Variants in SPOCD1 observed in about 807,000 individuals in gnomAD.
The protein encoded by SPOCD1 is SPOC domain-containing protein 1.
In SPOCD1, 64 loss-of-function variants were observed where a neutral mutation model predicts 92.2. That is an observed-to-expected ratio of 0.69 (90% CI 0.57 to 0.86). SPOCD1 has a LOEUF of 0.86. Among genes scored for constraint, SPOCD1 ranks in the 40% least tolerant of loss-of-function variants. The pLI, the probability that SPOCD1 is intolerant of heterozygous loss-of-function variation, is 0.00. For synonymous variants in SPOCD1, 578 were observed against 619.3 expected, an observed-to-expected ratio of 0.93 and a Z score of 0.99; for missense variants, 1,360 against 1,543.1, an observed-to-expected ratio of 0.88 and a Z score of 1.99.
chr1:31,796,444 T>C (rs973649467), intron 10 of SPOCD1, 146 bp downstream of exon 10: 1 of 1,276,900 alleles, frequency 7.8e-7, no homozygotes, highest in African/African-American at 1.5e-5. Flanking sequence ...CCCTATGCGT[T>C]AAGGATCGCT....
intron 9 of SPOCD1, among the ~76,000 whole-genome samples, chr1:31,797,363 C>T (rs1648099682): frequency 6.6e-6 from 1 of 152,214 alleles, no homozygotes; most frequent in South Asian, 2.1e-4. Flanking sequence ...GCACAGGGCC[C>T]TGCACTTAGG....
chr1:31,804,520 T>C (rs1032569747), intron 2 of SPOCD1, among the ~76,000 whole-genome samples: 1 of 152,212 alleles, frequency 6.6e-6, no homozygotes, highest in Non-Finnish European at 1.5e-5. Context: ...AGAAAATAAC[T>C]ATCAATTGTG....
intron 1 of SPOCD1, chr1:31,815,599 G>T: frequency 2.7e-6 from 1 of 374,284 alleles, no homozygotes; most frequent in Non-Finnish European, 4.8e-6. Context: ...GTGGCCTCCA[G>T]GGTCTTCTTG....
chr1:31,799,788 G>C, intron 6 of SPOCD1, 21 bp downstream of exon 6: 1 of 1,613,242 alleles, frequency 6.2e-7, no homozygotes, highest in African/African-American at 1.3e-5. Context: ...AGCAGAAGAG[G>C]CTCCCTCCAG....
intron 2 of SPOCD1, among the ~76,000 whole-genome samples, chr1:31,808,592 T>A (rs1294102148): frequency 1.3e-5 from 2 of 152,058 alleles, no homozygotes; most frequent in East Asian, 3.9e-4. Flanking sequence ...GTGTCATACT[T>A]AAGGTGAAAC....
chr1:31,796,821 CT>C (rs1648065651), intron 9 of SPOCD1, 106 bp from the exon 10 acceptor site: 1 of 1,526,166 alleles, frequency 6.6e-7, no homozygotes, highest in African/African-American at 1.4e-5. Flanking sequence ...TGTGGTTCCC[CT>C]CTCCTCAAAA....
In SPOCD1 at chr1:31,798,915, G is replaced by GTCTCTGTCCCCGTCTCT; in HGVS notation, c.1869-315_1869-314insAGAGACGGGGACAGAGA. ...AGCCTGTGCCCCGTCTCTGGCTCAC[G>GTCTCTGTCCCCGTCTCT]GGATGTGTGGAGGGGAGGAAGCCGG... On this transcript the variant is annotated intron_variant, in intron 7 of 15. Transcript: ENST00000360482. The surrounding 1 kb of genome is among the most constrained non-coding windows in gnomAD (Gnocchi z 4.1). 1 of 565,036 alleles carries GTCTCTGTCCCCGTCTCT rather than the reference G, an allele frequency of 1.8e-6. No individual in the cohort carries two copies. The highest frequency in any genetic ancestry group is 3.1e-6 in the Non-Finnish European group (1 of 320,502). The allele number at this position is 565,036 out of a possible 1,614,324, so 35.0% of individuals were successfully genotyped here.
chr1:31,813,773 G>A (rs991130595), intron 2 of SPOCD1, among the ~76,000 whole-genome samples, 178 bp downstream of exon 2: 2 of 152,194 alleles, frequency 1.3e-5, no homozygotes, highest in African/African-American at 4.8e-5. Context: ...TTCAGCGAAT[G>A]TAGTTTATTT....
rs367963298 is a variant in SPOCD1, at chr1:31,799,481, C to T, written c.1788G>A (p.Gln596=). ...ACAGGGATGGCTTCTCCTGTTGGAG[C>T]TGAGCTGTAGGGAGAGAGCGTCACA... ...SLPEQPEDSA[Q]LQQEKPSLYI... Residue 596 remains glutamine, a synonymous_variant, in exon 7 of 16, where the codon CAG becomes CAA. Coordinates refer to ENST00000360482, the MANE Select transcript of SPOCD1 (RefSeq NM_144569.7). 2 of 1,610,486 alleles carry T rather than the reference C, an allele frequency of 1.2e-6. No individual in the cohort carries two copies. Among genetic ancestry groups the T allele is most frequent in the South Asian group, 2.2e-5 (2 of 90,242 alleles).
rs1207433481 is a variant in SPOCD1, at chr1:31,804,985, C to CTTTTTTTTTTTTTTTTTTTTTTT, written c.1384-3281_1384-3280insAAAAAAAAAAAAAAAAAAAAAAA. Among the ~76,000 whole-genome samples, 26 of 105,898 alleles carry CTTTTTTTTTTTTTTTTTTTTTTT rather than the reference C, an allele frequency of 2.5e-4. 2 individuals carry two copies. Among genetic ancestry groups the CTTTTTTTTTTTTTTTTTTTTTTT allele is most frequent in the South Asian group, 3.5e-4 (1 of 2,846 alleles). The allele number at this position is 105,898 out of a possible 152,430, so 69.5% of individuals were successfully genotyped here. A position where few individuals can be genotyped will look rare whatever the true frequency, so the allele number is the denominator to read the frequency against. ...AAATTTCTTTTTTCTTTCTTTCTTT[C>CTTTTTTTTTTTTTTTTTTTTTTT]TTTTTTTTTTTTTTGAGATGGAGTC... is the stretch of plus-strand genomic sequence containing the variant. On this transcript the variant is annotated intron_variant, in intron 2 of 15. Coordinates refer to ENST00000360482, the MANE Select transcript of SPOCD1 (RefSeq NM_144569.7).
At chr1:31,794,314 G>A in intron 10 of SPOCD1, 79 bp from the exon 11 acceptor site, 1 of 886,778 alleles carries the variant, frequency 1.1e-6, no homozygotes, top group Non-Finnish European at 1.8e-6. Context: ...GGGGGCCCCA[G>A]GATGTGGTTT....
intron 12 of SPOCD1, 61 bp from the exon 13 acceptor site, chr1:31,793,489 CTCCTT>C: frequency 1.3e-6 from 2 of 1,542,290 alleles, no homozygotes; most frequent in East Asian, 4.9e-5. Context: ...TCCCCGGCAC[CTCCTT>C]TCTTTTCAGA....
intron 2 of SPOCD1, among the ~76,000 whole-genome samples, chr1:31,809,147 C>T (rs1198834371): frequency 2.6e-5 from 4 of 152,234 alleles, no homozygotes; most frequent in Middle Eastern, 6.8e-3. Context: ...TGAGATCATG[C>T]CACTGTACTC....
chr1:31,796,070 C>T, intron 10 of SPOCD1: 1 of 210,048 alleles, frequency 4.8e-6, no homozygotes, highest in Non-Finnish European at 9.7e-6. Context: ...AGCAGATCCT[C>T]AGCGCCAAGA....
At chr1:31,804,325 A>C (rs1648670029) in intron 2 of SPOCD1, among the ~76,000 whole-genome samples, 1 of 152,196 alleles carries the variant, frequency 6.6e-6, no homozygotes, top group Non-Finnish European at 1.5e-5. Flanking sequence ...CTAGAAAACC[A>C]AAGAGCTGGG....
chr1:31,798,281 C>A lies in SPOCD1; in HGVS notation c.2071G>T (p.Asp691Tyr), dbSNP rs757160383. 11 of 1,613,896 alleles carry A rather than the reference C, an allele frequency of 6.8e-6. No individual in the cohort carries two copies. Among genetic ancestry groups the A allele is most frequent in the African/African-American group, 2.7e-5 (2 of 74,910 alleles). ...KVVHGDVTPY[D>Y]LVRMSSMQLA... ...TGCATCGAGCTCATCCGCACCAGGT[C>A]GTAGGGGGTGACATCTCCATGAACC... is the stretch of plus-strand genomic sequence containing the variant. The change falls in exon 9 of 16, where the codon GAC becomes TAC. Residue 691 changes from aspartate to tyrosine, a missense_variant. Physicochemically the swap from Asp to Tyr is radical, Grantham distance 160 (BLOSUM62 -3). This residue lies in a region of SPOCD1 where 614 missense variants were observed against 757.8 expected (regional missense o/e 0.81). Coordinates refer to ENST00000360482, the MANE Select transcript of SPOCD1 (RefSeq NM_144569.7). The surrounding 1 kb of genome is among the most constrained non-coding windows in gnomAD (Gnocchi z 4.1).
At position 31,800,685 on chromosome 1, in the gene SPOCD1, C is replaced by T. The variant is rs1648403097; in HGVS notation, c.1426-68G>A. 3.7e-6 allele frequency: 5 copies of T among 1,363,172 alleles called. No individual in the cohort carries two copies. The Admixed American group carries it at 1.2e-4, about 33-fold the overall frequency. 84.4% of individuals were successfully genotyped at this position (1,363,172 alleles called of 1,614,324 possible). The stretch of plus-strand genomic sequence containing the variant: ...CTGTCCCCGCCTTCAGAGTGCTCGC[C>T]TCATCTGTAATTGTTGAACATCTCT... On this transcript the variant is annotated intron_variant, in intron 3 of 15. Coordinates refer to ENST00000360482, the MANE Select transcript of SPOCD1 (RefSeq NM_144569.7).
intron 15 of SPOCD1, 80 bp from the exon 16 acceptor site, chr1:31,791,371 T>C: frequency 8.5e-7 from 1 of 1,174,368 alleles, no homozygotes; most frequent in Non-Finnish European, 1.1e-6. Context: ...CACAGTGAGA[T>C]GGGGCCCATG....
chr1:31,807,968 G>C (rs1242506199), intron 2 of SPOCD1, among the ~76,000 whole-genome samples: 1 of 152,098 alleles, frequency 6.6e-6, no homozygotes, highest in Non-Finnish European at 1.5e-5. Flanking sequence ...TAAACCTATA[G>C]CCACAAGATA....
Sources: allele counts gnomAD v4.1 joint callset (sites outside exome capture counted in the v4.1 genomes callset), GRCh38; gene constraint gnomAD v4.1.1; regional missense constraint gnomAD v4.1.1; non-coding constraint Gnocchi (gnomAD v3.1); transcripts MANE v1.5; gene names NCBI Gene and HGNC (gene_info 2026-07-23, HGNC 2026-07-21).